Variants in RCHY1 observed in about 807,000 individuals in gnomAD.
RCHY1 encodes the protein RING finger and CHY zinc finger domain-containing protein 1.
Under a neutral mutation model 41.6 loss-of-function variants are expected in RCHY1, and 21 were observed. The observed-to-expected ratio is 0.51, with a 90% confidence interval of 0.36 to 0.73. The LOEUF is 0.73. Ranked by LOEUF, RCHY1 falls within the 30% of genes least tolerant of loss-of-function variation. The pLI, the probability that RCHY1 is intolerant of heterozygous loss-of-function variation, is 0.00. For missense variants in RCHY1, 265 were observed against 325.3 expected, an observed-to-expected ratio of 0.81 and a Z score of 1.43; for synonymous variants, 79 against 102.9, an observed-to-expected ratio of 0.77 and a Z score of 1.41.
intron 1 of RCHY1, among the ~76,000 whole-genome samples, chr4:75,511,987 T>C (rs575226390): frequency 6.6e-6 from 1 of 152,226 alleles, no homozygotes; most frequent in African/African-American, 2.4e-5. Context: ...TCTCTAACCA[T>C]TACCTCCTCC....
chr4:75,498,481 CAAAAAA>C (rs57789217), intron 3 of RCHY1, among the ~76,000 whole-genome samples: 716 of 68,782 alleles, frequency 0.01, 2 homozygotes, highest in Admixed American at 0.018. Context: ...CAATCCTGAG[CAAAAAA>C]AAAAAAAAAA....
At chr4:75,496,437 G>A (rs751511755) in intron 3 of RCHY1, among the ~76,000 whole-genome samples, 2 of 152,072 alleles carry the variant, frequency 1.3e-5, no homozygotes, top group Non-Finnish European at 1.5e-5. Flanking sequence ...GAGCTGCACA[G>A]AGAAACCTCT....
chr4:75,494,210 G>T, intron 3 of RCHY1, 31 bp from the exon 4 acceptor site: 1 of 1,438,022 alleles, frequency 7.0e-7, no homozygotes, highest in Non-Finnish European at 9.6e-7. Context: ...CAAAAGATTA[G>T]ATTATTTTTT....
intron 8 of RCHY1, among the ~76,000 whole-genome samples, chr4:75,487,880 A>AAT (rs1186017167): frequency 2.0e-5 from 2 of 102,126 alleles, no homozygotes; most frequent in Admixed American, 1.2e-4. Context: ...ATATATTCAT[A>AAT]ATATATATAT....
intron 3 of RCHY1, among the ~76,000 whole-genome samples, chr4:75,504,489 G>T (rs1167463659): frequency 6.6e-6 from 1 of 151,944 alleles, no homozygotes; most frequent in Non-Finnish European, 1.5e-5. Flanking sequence ...TTTTTCTCTA[G>T]TTTATCCTAA....
At chr4:75,484,558 A>T (rs891556204) in intron 8 of RCHY1, among the ~76,000 whole-genome samples, 1 of 152,094 alleles carries the variant, frequency 6.6e-6, no homozygotes, top group Non-Finnish European at 1.5e-5. Context: ...TTAAGTAGAG[A>T]AAAATCACTG....
chr4:75,482,707 T>G (rs1480967737), intron 8 of RCHY1, 41 bp from the exon 9 acceptor site: 3 of 1,436,898 alleles, frequency 2.1e-6, no homozygotes, highest in Non-Finnish European at 2.9e-6. Flanking sequence ...TTAAACCTTA[T>G]AAATACAAGT....
chr4:75,509,234 TTGA>T lies in RCHY1; in HGVS notation c.150_152del (p.His50del). 3 of 1,613,370 alleles carry T rather than the reference TTGA, an allele frequency of 1.9e-6. No individual in the cohort carries two copies. The highest frequency in any genetic ancestry group is 2.5e-6 in the Non-Finnish European group (3 of 1,179,538). ...CTTCCTTCACTTTAAAGCGATCTAGTTGATGATCTTCATTGTTATCATGACACA... is the reference window on the plus strand; with the variant it reads ...CTTCCTTCACTTTAAAGCGATCTAGTTGATCTTCATTGTTATCATGACACA... On this transcript the variant is annotated inframe_deletion, in exon 2 of 9. Coordinates refer to ENST00000324439, the MANE Select transcript of RCHY1 (RefSeq NM_015436.4).
chr4:75,510,492 A>G lies in RCHY1; in HGVS notation c.91-1196T>C, dbSNP rs924585031. ...AAGGCTTCCTATGCCTTGACTTACC[A>G]TAACGTAGTTCATTCCTTAAAGATT... On this transcript the variant is annotated intron_variant, in intron 1 of 8. Coordinates refer to ENST00000324439, the MANE Select transcript of RCHY1 (RefSeq NM_015436.4). 1.3e-4 allele frequency among the ~76,000 whole-genome samples: 20 copies of G among 152,268 alleles called. No homozygotes were observed. In the East Asian group the frequency reaches 1.5e-3, roughly 12 times the overall value.
rs1426984394 is a variant in RCHY1, at chr4:75,514,308, T to G, written c.-22A>C. On this transcript the variant is annotated 5_prime_UTR_variant, in exon 1 of 9. Transcript: ENST00000324439. ...CCATCTCCTCCACCTCCCCTCACAT[T>G]CCACCGATCCTTCCCCCAGGATAAA... 3.1e-6 allele frequency: 5 copies of G among 1,601,464 alleles called. No individual in the cohort carries two copies. The South Asian group carries it at 5.5e-5, about 18-fold the overall frequency.
intron 1 of RCHY1, among the ~76,000 whole-genome samples, chr4:75,512,927 C>T (rs1277069609): frequency 7.3e-6 from 1 of 137,062 alleles, no homozygotes; most frequent in Admixed American, 7.5e-5. Flanking sequence ...CGGGGGAAGG[C>T]AAAAACTGTT....
At chr4:75,491,253 A>C (rs1366710887) in intron 7 of RCHY1, 2 of 186,572 alleles carry the variant, frequency 1.1e-5, no homozygotes, top group African/African-American at 2.4e-5. Flanking sequence ...TTAGTTTACT[A>C]TACTTGGCCA....
chr4:75,485,920 T>C (rs1468849084), intron 8 of RCHY1, among the ~76,000 whole-genome samples: 2 of 152,190 alleles, frequency 1.3e-5, no homozygotes, highest in Non-Finnish European at 2.9e-5. Flanking sequence ...GTCTGTTGAA[T>C]ATAATTCAAC....
At chr4:75,489,180 G>C (rs1045063344) in intron 8 of RCHY1, among the ~76,000 whole-genome samples, 3 of 151,990 alleles carry the variant, frequency 2.0e-5, no homozygotes, top group African/African-American at 7.3e-5. Context: ...TTGCTAAATT[G>C]CTAAAATAAT....
intron 1 of RCHY1, among the ~76,000 whole-genome samples, chr4:75,513,490 G>C (rs1324020921): frequency 6.6e-6 from 1 of 152,156 alleles, no homozygotes; most frequent in African/African-American, 2.4e-5. Context: ...AAAGAGGAGA[G>C]CTAAGATTTG....
Position 75,482,399 on chromosome 4 carries a change from T to C in RCHY1, c.*139A>G, listed in dbSNP as rs1238691346. 4.6e-6 allele frequency: 3 copies of C among 649,388 alleles called. No individual in the cohort carries two copies. The highest frequency in any genetic ancestry group is 1.9e-5 in the African/African-American group (1 of 53,436). The allele number at this position is 649,388 out of a possible 1,614,324, so 40.2% of individuals were successfully genotyped here. ...GAGACCCTGAATCCTTACGTACTTG[T>C]AATATGATTTTATGCTGTGACACTA... On this transcript the variant is annotated 3_prime_UTR_variant, in exon 9 of 9. Transcript: ENST00000324439.
At chr4:75,506,120 A>C (rs1724278898) in intron 3 of RCHY1, among the ~76,000 whole-genome samples, 1 of 150,910 alleles carries the variant, frequency 6.6e-6, no homozygotes, top group African/African-American at 2.4e-5. Context: ...AAAAAATAGA[A>C]CAGGACATAC....
chr4:75,505,046 T>C (rs1238949408), intron 3 of RCHY1, among the ~76,000 whole-genome samples: 1 of 152,228 alleles, frequency 6.6e-6, no homozygotes, highest in African/African-American at 2.4e-5. Context: ...ACTGGTTTCA[T>C]GGAAGACAAT....
At chr4:75,486,796 C>G (rs1384145189) in intron 8 of RCHY1, among the ~76,000 whole-genome samples, 1 of 152,022 alleles carries the variant, frequency 6.6e-6, no homozygotes, top group Non-Finnish European at 1.5e-5. Context: ...CTGGCCAATA[C>G]AGTGAAACCC....
Sources: allele counts gnomAD v4.1 joint callset (sites outside exome capture counted in the v4.1 genomes callset), GRCh38; gene constraint gnomAD v4.1.1; transcripts MANE v1.5; gene names NCBI Gene and HGNC (gene_info 2026-07-23, HGNC 2026-07-21).